The following TSPAN11 variants were observed in gnomAD, a reference collection of about 807,000 sequenced individuals.
TSPAN11 encodes the protein tetraspanin 11.
In TSPAN11, 29 loss-of-function variants were observed where a neutral mutation model predicts 32.9. That is an observed-to-expected ratio of 0.88 (90% confidence interval 0.66 to 1.20). TSPAN11 has a LOEUF of 1.20. Among genes scored for constraint, TSPAN11 ranks in the 50% most tolerant of loss-of-function variants. TSPAN11 has a pLI of 0.00. For missense variants in TSPAN11, 283 were observed against 329.1 expected (o/e 0.86, Z 1.08); for synonymous variants, 140 against 141.3 (o/e 0.99, Z 0.07).
chr12:30,953,851 G>A (rs1938429544), intron 1 of TSPAN11, 130 bp from the exon 2 acceptor site: 2 of 634,084 alleles, frequency 3.2e-6, no homozygotes, highest in African/African-American at 1.8e-5. Context: ...TGCACATGCA[G>A]AGCCTCAAAG....
At chr12:31,001,875 C>G in the TSPAN11 span, among the ~76,000 whole-genome samples, 1 of 152,102 alleles carries the variant, frequency 6.6e-6, no homozygotes, top group Admixed American at 6.5e-5. Context: ...TCCACGGCTC[C>G]GCTTGTGTGA....
chr12:30,960,388 G>A (rs984059146), intron 2 of TSPAN11, among the ~76,000 whole-genome samples: 4 of 151,992 alleles, frequency 2.6e-5, no homozygotes, highest in African/African-American at 4.8e-5. Context: ...CCCCTCCGCA[G>A]AGGATCCTTC....
At chr12:30,943,172 G>T (rs777187876) in intron 1 of TSPAN11, among the ~76,000 whole-genome samples, 11 of 152,134 alleles carry the variant, frequency 7.2e-5, no homozygotes, top group Admixed American at 7.2e-4. Context: ...CCACAGCCCC[G>T]ACTGGGGTCT....
intron 1 of TSPAN11, among the ~76,000 whole-genome samples, chr12:30,940,849 G>A (rs1055666680): frequency 7.2e-5 from 11 of 152,152 alleles, no homozygotes; most frequent in South Asian, 6.2e-4. Flanking sequence ...CCTGAGCTCC[G>A]CCACCTGTCA....
chr12:30,949,791 C>T (rs760788293), intron 1 of TSPAN11, among the ~76,000 whole-genome samples: 6 of 152,164 alleles, frequency 3.9e-5, no homozygotes, highest in Non-Finnish European at 5.9e-5. Flanking sequence ...TAACCCTCCA[C>T]CTGTCCTCCA....
At chr12:30,935,023 T>C (rs1230305637) in intron 1 of TSPAN11, among the ~76,000 whole-genome samples, 1 of 152,112 alleles carries the variant, frequency 6.6e-6, no homozygotes, top group Admixed American at 6.5e-5. Context: ...AATTCCCCTT[T>C]CTTTGGTCAT....
intron 1 of TSPAN11, 59 bp from the exon 2 acceptor site, chr12:30,953,922 G>A (rs75519649): frequency 0.016 from 20,916 of 1,309,886 alleles, 508 homozygotes; most frequent in East Asian, 0.088. Flanking sequence ...CTCTGGCTCT[G>A]GGAAGGACAA....
At chr12:30,996,805 T>A (rs918046912), downstream of TSPAN11, among the ~76,000 whole-genome samples, 5 of 152,240 alleles carry the variant, frequency 3.3e-5, 1 homozygote, top group Admixed American at 2.6e-4. Flanking sequence ...TGACTTCTCC[T>A]GCTCACAAGT....
chr12:30,951,408 CCTT>C (rs1315106350), intron 1 of TSPAN11, among the ~76,000 whole-genome samples: 1 of 152,234 alleles, frequency 6.6e-6, no homozygotes, highest in African/African-American at 2.4e-5. Flanking sequence ...TCCCCTTCCT[CCTT>C]TGCCCTGGTA....
At chr12:30,971,858 T>C (rs202007677) in intron 3 of TSPAN11, among the ~76,000 whole-genome samples, 1 of 151,494 alleles carries the variant, frequency 6.6e-6, no homozygotes, top group African/African-American at 2.4e-5. Flanking sequence ...AAAAAAAAAT[T>C]GGTTTGGTTC....
At chr12:30,935,385 T>G (rs1024985039) in intron 1 of TSPAN11, among the ~76,000 whole-genome samples, 20 of 148,478 alleles carry the variant, frequency 1.3e-4, no homozygotes, top group Middle Eastern at 3.4e-3. Flanking sequence ...TTTTTTTTTT[T>G]TTTTTTTTTT....
At chr12:30,957,637 C>T (rs1938511016) in intron 2 of TSPAN11, among the ~76,000 whole-genome samples, 1 of 123,432 alleles carries the variant, frequency 8.1e-6, no homozygotes, top group Admixed American at 7.4e-5. Context: ...CAATCCCTCC[C>T]TCCCTCCCTC....
intron 1 of TSPAN11, among the ~76,000 whole-genome samples, chr12:30,944,219 T>C (rs997693760): frequency 7.9e-5 from 12 of 152,330 alleles, no homozygotes; most frequent in Admixed American, 4.6e-4. Flanking sequence ...TAGTACTTCA[T>C]ATAATTATCA....
the TSPAN11 span, among the ~76,000 whole-genome samples, chr12:31,013,949 A>G: frequency 6.6e-6 from 1 of 152,252 alleles, no homozygotes; most frequent in Non-Finnish European, 1.5e-5. Context: ...AAAAAAGAAC[A>G]TAGACTATCT....
At chr12:30,960,155 G>A (rs374419899) in intron 2 of TSPAN11, among the ~76,000 whole-genome samples, 27 of 151,692 alleles carry the variant, frequency 1.8e-4, no homozygotes, top group African/African-American at 5.8e-4. Flanking sequence ...ATGGCGCGGC[G>A]CCATGTATGA....
chr12:30,928,011 C>T (rs971254089), intron 1 of TSPAN11, among the ~76,000 whole-genome samples: 2 of 152,126 alleles, frequency 1.3e-5, no homozygotes, highest in African/African-American at 4.8e-5. Flanking sequence ...CTGGCGAGGG[C>T]TTAGGTGGCC....
Position 30,979,578 on chromosome 12 carries a change from C to T in TSPAN11, c.364C>T (p.Leu122=). ...HVYYQRLSDE[L]KQHLNRTLAE... is the part of the protein sequence containing the mutation. ...CTACCCTCCTCAGCTGAGTGATGAA[C>T]TGAAGCAGCACTTGAACCGGACTCT... Residue 122 remains leucine (L), a synonymous_variant, in exon 5 of 8, where the codon CTG becomes TTG. Transcript: ENST00000546076. 2 of 1,614,194 alleles carry T rather than the reference C, an allele frequency of 1.2e-6. No homozygotes were observed. Among genetic ancestry groups the T allele is most frequent in the Non-Finnish European group, 1.7e-6 (2 of 1,180,028 alleles).
chr12:30,992,006 T>C lies in TSPAN11; in HGVS notation c.*91T>C, dbSNP rs1463110665. 1.4e-6 allele frequency: 2 copies of C among 1,406,200 alleles called. No individual in the cohort carries two copies. The highest frequency in any genetic ancestry group is 4.6e-5 in the East Asian group (2 of 43,544). 87.1% of individuals were successfully genotyped at this position (1,406,200 alleles called of 1,614,324 possible). On this transcript the variant is annotated 3_prime_UTR_variant, in exon 8 of 8. Coordinates refer to ENST00000546076, the MANE Select transcript of TSPAN11 (RefSeq NM_001370302.1). The stretch of plus-strand genomic sequence containing the variant: ...CCTGCAGAGTTAGCACCAGCTCCAC[T>C]AGGGCCATAGATGCCCCCTCCTTTG...
intron 2 of TSPAN11, among the ~76,000 whole-genome samples, chr12:30,962,492 C>T (rs1242338755): frequency 6.6e-6 from 1 of 152,226 alleles, no homozygotes; most frequent in African/African-American, 2.4e-5. Context: ...CCACCCTGCC[C>T]CATGCTCACA....
Sources: allele counts gnomAD v4.1 joint callset (sites outside exome capture counted in the v4.1 genomes callset), GRCh38; gene constraint gnomAD v4.1.1; transcripts MANE v1.5; gene names NCBI Gene and HGNC (gene_info 2026-07-23, HGNC 2026-07-21).